RCN2: variants seen among roughly 807,000 people sequenced by gnomAD.
The protein encoded by RCN2 is reticulocalbin 2, also known as reticulocalbin-2.
A neutral mutation model predicts 37.5 loss-of-function variants in RCN2; 23 were observed. The observed-to-expected ratio is 0.61, with a 90% confidence interval of 0.44 to 0.87. The LOEUF (loss-of-function observed/expected upper bound fraction) is 0.87, where lower values mean the gene tolerates loss of function less well. Ranked by LOEUF, RCN2 falls within the 40% of genes least tolerant of loss-of-function variation. The pLI is 0.00. For missense variants in RCN2, 381 were observed against 390.4 expected (o/e 0.98, Z 0.20); for synonymous variants, 140 against 144.6 (o/e 0.97, Z 0.23).
At position 76,931,925 on chromosome 15, in the gene RCN2, G is replaced by T; in HGVS notation, c.84G>T (p.Leu28=). ...CCGGCGCCGGCAAGGCCGAGGAGCT[G>T]CACTACCCGCTGGGCGAGCGCCGCA... ...AAAGAGKAEE[L]HYPLGERRSD... Residue 28 remains leucine (L), a synonymous_variant, in exon 1 of 7, where the codon CTG becomes CTT. Coordinates refer to ENST00000394885, the MANE Select transcript of RCN2 (RefSeq NM_002902.3). 7.6e-7 allele frequency: 1 copy of T among 1,316,334 alleles called. No individual in the cohort carries two copies. The allele number at this position is 1,316,334 out of a possible 1,614,324, so 81.5% of individuals were successfully genotyped here. A position where few individuals can be genotyped will look rare whatever the true frequency, so the allele number is the denominator to read the frequency against.
In RCN2 at chr15:76,951,624, C is replaced by T. The variant is rs2075321198; in HGVS notation, c.*2402C>T. The T allele has an allele frequency of 6.6e-6, 1 of 152,060 alleles. No individual in the cohort carries two copies. The highest frequency in any genetic ancestry group is 1.5e-5 in the Non-Finnish European group (1 of 68,022). 9.4% of individuals were successfully genotyped at this position (152,060 alleles called of 1,614,324 possible). On this transcript the variant is annotated 3_prime_UTR_variant, in exon 7 of 7. Transcript: ENST00000394885. ...TTGAACAGAGATGCTATATCTACTGCTGAGTCAAAATAGAAAATTTTAAGG... is the reference window on the plus strand; with the variant it reads ...TTGAACAGAGATGCTATATCTACTGTTGAGTCAAAATAGAAAATTTTAAGG...
At chr15:76,944,381 G>A (rs2152651290) in intron 4 of RCN2, among the ~76,000 whole-genome samples, 1 of 152,050 alleles carries the variant, frequency 6.6e-6, no homozygotes, top group Middle Eastern at 3.4e-3. Flanking sequence ...TAACAATCCC[G>A]TGAACACTCT....
At position 76,932,363 on chromosome 15, in the gene RCN2, A is replaced by G. The variant is rs1375595705; in HGVS notation, c.147A>G (p.Glu49=). The part of the protein sequence containing the change: ...YDREALLGVQ[E]DVDEYVKLGH... ...CTGTGTGTCGCTTCCCCCTAAAGGA[A>G]GATGTGGATGAATATGTTAAACTCG... Residue 49 remains glutamate (E), a splice_region_variant and synonymous_variant, in exon 2 of 7, where the codon GAA becomes GAG. Coordinates refer to ENST00000394885, the MANE Select transcript of RCN2 (RefSeq NM_002902.3). 6.2e-7 allele frequency: 1 copy of G among 1,611,982 alleles called. No individual in the cohort carries two copies. Among genetic ancestry groups the G allele is most frequent in the Non-Finnish European group, 8.5e-7 (1 of 1,178,194 alleles).
chr15:76,943,892 A>G, intron 4 of RCN2, 21 bp downstream of exon 4: 1 of 1,423,012 alleles, frequency 7.0e-7, no homozygotes, highest in Non-Finnish European at 9.8e-7. Context: ...AACATTTTTA[A>G]GAGAATTATT....
intron 4 of RCN2, among the ~76,000 whole-genome samples, chr15:76,944,078 C>T (rs552900055): frequency 1.2e-4 from 18 of 148,882 alleles, no homozygotes; most frequent in African/African-American, 4.5e-4. Context: ...CTGCAAGCTC[C>T]GCCTCCCGTG....
chr15:76,953,576 TATATATATATATATATA>T lies in RCN2; in HGVS notation c.*4355_*4371del, dbSNP rs1219772405. ...AATTCTATATATATATATATATATATATATATATATATATATATTTTTTTTTTTTTTTTTTTTTTTTT... is the reference window on the plus strand; with the variant it reads ...AATTCTATATATATATATATATATATTTTTTTTTTTTTTTTTTTTTTTTTT... On this transcript the variant is annotated 3_prime_UTR_variant, in exon 7 of 7. Transcript: ENST00000394885. The T allele has an allele frequency of 6.1e-3, 123 of 20,124 alleles. 3 individuals are homozygous for T. The highest frequency in any genetic ancestry group is 0.012 in the East Asian group (11 of 894). The allele number at this position is 20,124 out of a possible 1,614,324, so 1.2% of individuals were successfully genotyped here.
Position 76,931,780 on chromosome 15 carries a change from C to G in RCN2, c.-62C>G, listed in dbSNP as rs1315977391. On this transcript the variant is annotated 5_prime_UTR_variant, in exon 1 of 7. Coordinates refer to ENST00000394885, the MANE Select transcript of RCN2 (RefSeq NM_002902.3). ...GTAGCCGCCCGCGGAGCATCGCAGC[C>G]GGCCCGGGCCCCCGCCAGCCTCCCT... 1 of 1,171,150 alleles carries G rather than the reference C, an allele frequency of 8.5e-7. No homozygotes were observed. Among genetic ancestry groups the G allele is most frequent in the South Asian group, 4.0e-5 (1 of 24,708 alleles). 72.5% of individuals were successfully genotyped at this position (1,171,150 alleles called of 1,614,324 possible). A position where few individuals can be genotyped will look rare whatever the true frequency, so the allele number is the denominator to read the frequency against.
In RCN2 at chr15:76,931,932, C is replaced by G. The variant is rs1358649119; in HGVS notation, c.91C>G (p.Pro31Ala). 3.1e-6 allele frequency: 4 copies of G among 1,308,562 alleles called. No homozygotes were observed. Among genetic ancestry groups the G allele is most frequent in the Non-Finnish European group, 3.9e-6 (4 of 1,031,432 alleles). 81.1% of individuals were successfully genotyped at this position (1,308,562 alleles called of 1,614,324 possible). The change falls in exon 1 of 7, where the codon CCG (proline) becomes GCG (alanine). Residue 31 changes from proline (P) to alanine (A), a missense_variant. Coordinates refer to ENST00000394885, the MANE Select transcript of RCN2 (RefSeq NM_002902.3). The part of the protein sequence containing the change: ...GAGKAEELHY[P>A]LGERRSDYDR... ...CGGCAAGGCCGAGGAGCTGCACTAC[C>G]CGCTGGGCGAGCGCCGCAGCGACTA...
At chr15:76,947,306 G>T in intron 4 of RCN2, 115 bp from the exon 5 acceptor site, 1 of 642,798 alleles carries the variant, frequency 1.6e-6, no homozygotes, top group African/African-American at 1.8e-5. Flanking sequence ...CACCACTAGA[G>T]CTCCAAAAAT....
intron 3 of RCN2, among the ~76,000 whole-genome samples, chr15:76,937,564 C>T (rs564429632): frequency 4.6e-5 from 7 of 152,194 alleles, no homozygotes; most frequent in South Asian, 2.1e-4. Context: ...CAAGCCACCA[C>T]GCCCATCTAA....
In RCN2 at chr15:76,935,526, G is replaced by T; in HGVS notation, c.251G>T (p.Ser84Ile). ...DLDSDGFLTE[S>I]ELSSWIQMSF... Reference sequence around the variant, plus strand: ...GTTGTGTTCTGGGAAATTCTCATAGGTGAACTCAGTTCATGGATTCAGATG... The same window carrying T: ...GTTGTGTTCTGGGAAATTCTCATAGTTGAACTCAGTTCATGGATTCAGATG... Residue 84 changes from serine to isoleucine, a missense_variant and splice_region_variant, in exon 3 of 7, where the codon AGT becomes ATT. By Grantham distance (142) the Ser-to-Ile change is moderately radical. Transcript: ENST00000394885. 1 of 1,608,054 alleles carries T rather than the reference G, an allele frequency of 6.2e-7. No individual in the cohort carries two copies.
intron 4 of RCN2, 109 bp from the exon 5 acceptor site, chr15:76,947,312 A>G: frequency 1.5e-6 from 1 of 682,552 alleles, no homozygotes. Context: ...TAGAGCTCCA[A>G]AAATTATCAT....
Position 76,935,572 on chromosome 15 carries a change from G to A in RCN2, c.297G>A (p.Met99Ile), listed in dbSNP as rs2075243649. 3 of 1,613,714 alleles carry A rather than the reference G, an allele frequency of 1.9e-6. No individual in the cohort carries two copies. The highest frequency in any genetic ancestry group is 1.3e-5 in the African/African-American group (1 of 75,040). ...WIQMSFKHYA[M>I]QEAKQQFVEY... ...AGATGTCTTTTAAGCATTATGCTAT[G>A]CAAGAAGCAAAACAACAGTTTGTTG... The change falls in exon 3 of 7, where the codon ATG becomes ATA. Residue 99 changes from methionine (M) to isoleucine (I), a missense_variant. Physicochemically the swap from Met to Ile is conservative, Grantham distance 10. Coordinates refer to ENST00000394885, the MANE Select transcript of RCN2 (RefSeq NM_002902.3).
chr15:76,940,546 CTTTTTTTTTTT>C (rs11463370), intron 3 of RCN2, among the ~76,000 whole-genome samples: 1 of 119,664 alleles, frequency 8.4e-6, no homozygotes, highest in Non-Finnish European at 1.7e-5. Flanking sequence ...TGAACTTCAC[CTTTTTTTTTTT>C]TTTTTTTTTG....
At chr15:76,940,251 G>A (rs1192513379) in intron 3 of RCN2, among the ~76,000 whole-genome samples, 15 of 151,552 alleles carry the variant, frequency 9.9e-5, no homozygotes, top group African/African-American at 3.6e-4. Context: ...GATTGCTTGA[G>A]CCCAGGAATT....
chr15:76,938,582 ACT>A (rs1262620618), intron 3 of RCN2: 4 of 373,698 alleles, frequency 1.1e-5, no homozygotes, highest in African/African-American at 6.3e-5. Context: ...GAAAGCTGAA[ACT>A]CTGTACCTGT....
At chr15:76,947,358 G>A (rs185367558) in intron 4 of RCN2, 63 bp from the exon 5 acceptor site, 401 of 938,702 alleles carry the variant, frequency 4.3e-4, no homozygotes, top group Admixed American at 1.4e-3. Context: ...GAATTGAATC[G>A]GATGGCAGTG....
intron 4 of RCN2, 91 bp from the exon 5 acceptor site, chr15:76,947,330 T>C: frequency 1.4e-6 from 1 of 738,566 alleles, no homozygotes; most frequent in Non-Finnish European, 2.2e-6. Context: ...CATTTATTTC[T>C]AAAGAAGTTC....
Position 76,931,780 on chromosome 15 carries a change from C to A in RCN2, c.-62C>A, listed in dbSNP as rs1315977391. 1.7e-6 allele frequency: 2 copies of A among 1,171,042 alleles called. No individual in the cohort carries two copies. Among genetic ancestry groups the A allele is most frequent in the East Asian group, 3.8e-5 (1 of 26,464 alleles). The allele number at this position is 1,171,042 out of a possible 1,614,324, so 72.5% of individuals were successfully genotyped here. On this transcript the variant is annotated 5_prime_UTR_variant, in exon 1 of 7. Transcript: ENST00000394885. The stretch of plus-strand genomic sequence containing the variant: ...GTAGCCGCCCGCGGAGCATCGCAGC[C>A]GGCCCGGGCCCCCGCCAGCCTCCCT...
Sources: allele counts gnomAD v4.1 joint callset (sites outside exome capture counted in the v4.1 genomes callset), GRCh38; gene constraint gnomAD v4.1.1; transcripts MANE v1.5; gene names NCBI Gene and HGNC (gene_info 2026-07-23, HGNC 2026-07-21).